F13A1: variants seen among roughly 807,000 people sequenced by gnomAD.
F13A1 encodes coagulation factor XIII A chain.
A neutral mutation model predicts 80.1 loss-of-function variants in F13A1; 47 were observed. The observed-to-expected ratio is 0.59, with a 90% CI of 0.46 to 0.75. The LOEUF (loss-of-function observed/expected upper bound fraction) is 0.75, where lower values mean the gene tolerates loss of function less well. Among genes scored for constraint, F13A1 ranks in the 30% least tolerant of loss-of-function variants. F13A1 has a pLI of 0.00. For missense variants in F13A1, 817 were observed against 930.4 expected, an observed-to-expected ratio of 0.88 and a Z score of 1.59; for synonymous variants, 349 against 344.9, an observed-to-expected ratio of 1.01 and a Z score of -0.13.
chr6:6,191,544 G>T lies in F13A1; in HGVS notation c.1305+4253C>A, dbSNP rs1420960981. ...TCAGGGCCCTAGCTTCTCAGTAAAG[G>T]TGGGGTGGAAAGCAGGCTTGGGGGC... On this transcript the variant is annotated intron_variant, in intron 10 of 14. Transcript: ENST00000264870. 3.9e-5 allele frequency among the ~76,000 whole-genome samples: 6 copies of T among 152,128 alleles called. No individual in the cohort carries two copies. In the East Asian group the frequency reaches 1.2e-3, roughly 29 times the overall value.
chr6:6,305,572 T>A (rs1758501681), intron 2 of F13A1, 33 bp from the exon 3 acceptor site: 1 of 1,605,402 alleles, frequency 6.2e-7, no homozygotes, highest in Non-Finnish European at 8.5e-7. Context: ...TTGAAGAAAA[T>A]AATCAACTAA....
chr6:6,153,146 A>G (rs6937073), intron 13 of F13A1, among the ~76,000 whole-genome samples: 32,693 of 152,184 alleles, frequency 0.21, 3,605 homozygotes, highest in Middle Eastern at 0.28. Flanking sequence ...CAATGGCTCA[A>G]AAATGGAATT....
intron 2 of F13A1, among the ~76,000 whole-genome samples, chr6:6,308,812 TGGG>T (rs1280880831): frequency 1.3e-5 from 2 of 151,496 alleles, no homozygotes; most frequent in Non-Finnish European, 2.9e-5. Flanking sequence ...TTAGTAGAGA[TGGG>T]GTTTCACTAT....
chr6:6,176,648 GA>G (rs1760886928), intron 11 of F13A1, among the ~76,000 whole-genome samples: 1 of 152,198 alleles, frequency 6.6e-6, no homozygotes, highest in Non-Finnish European at 1.5e-5. Flanking sequence ...AGGGAGGTAA[GA>G]AAAAGGGAAG....
chr6:6,186,567 G>C (rs1761083472), intron 10 of F13A1, among the ~76,000 whole-genome samples: 1 of 152,202 alleles, frequency 6.6e-6, no homozygotes, highest in African/African-American at 2.4e-5. Context: ...ACTCTGTTCT[G>C]TTCCATTGAT....
chr6:6,252,896 T>G (rs1029855918), intron 4 of F13A1, among the ~76,000 whole-genome samples: 1 of 152,096 alleles, frequency 6.6e-6, no homozygotes, highest in African/African-American at 2.4e-5. Flanking sequence ...TGGTGGCTCA[T>G]GCTTGTAATC....
At position 6,304,047 on chromosome 6, in the gene F13A1, A is replaced by C. The variant is rs570417803; in HGVS notation, c.319+1304T>G. Among the ~76,000 whole-genome samples, 37 of 152,198 alleles carry C rather than the reference A, an allele frequency of 2.4e-4. 1 individual carries two copies. The highest frequency in any genetic ancestry group is 2.9e-4 in the Non-Finnish European group (20 of 68,026). On this transcript the variant is annotated intron_variant, in intron 3 of 14. Coordinates refer to ENST00000264870, the MANE Select transcript of F13A1 (RefSeq NM_000129.4). ...AGTTTCCAGCATTTATAGCAGATGT[A>C]TCTCTTACATTGTTCATTTACTAAA...
intron 6 of F13A1, among the ~76,000 whole-genome samples, chr6:6,235,955 C>T (rs1171678731): frequency 3.1e-4 from 47 of 152,060 alleles, no homozygotes; most frequent in Admixed American, 3.1e-3. Flanking sequence ...TGAAACACTA[C>T]TACTCAGCAA....
At chr6:6,258,430 C>T (rs1171655670) in intron 4 of F13A1, among the ~76,000 whole-genome samples, 6 of 152,156 alleles carry the variant, frequency 3.9e-5, no homozygotes, top group African/African-American at 1.4e-4. Context: ...GAGATACTGA[C>T]TATGAGCACA....
rs767250091 is a variant in F13A1, at chr6:6,162,413, T to C, written c.1908+5045A>G. Among the ~76,000 whole-genome samples the C allele has an allele frequency of 6.6e-6, 1 of 152,328 alleles. No homozygotes were observed. ...TTATCTGTTCATTGGAGACCATTCA[T>C]CTTTCTACAGTCTTAATTCTTGATG... On this transcript the variant is annotated intron_variant, in intron 13 of 14. Coordinates refer to ENST00000264870, the MANE Select transcript of F13A1 (RefSeq NM_000129.4). This position sits in a 1 kb window ranked among gnomAD's most constrained non-coding sequence, Gnocchi z 4.2.
chr6:6,157,419 AG>A (rs1213654605), intron 13 of F13A1, among the ~76,000 whole-genome samples: 4 of 142,850 alleles, frequency 2.8e-5, no homozygotes, highest in African/African-American at 1.1e-4. Context: ...GACAGAATAC[AG>A]GTAAAAATAG....
At chr6:6,261,120 C>T (rs1260636838) in intron 4 of F13A1, among the ~76,000 whole-genome samples, 1 of 152,080 alleles carries the variant, frequency 6.6e-6, no homozygotes, top group African/African-American at 2.4e-5. Context: ...AGGCACACAC[C>T]ACCATGCCCA....
At chr6:6,181,363 G>C (rs3024442) in intron 11 of F13A1, among the ~76,000 whole-genome samples, 2,466 of 152,296 alleles carry the variant, frequency 0.016, 65 homozygotes, top group African/African-American at 0.056. Flanking sequence ...CAGGCATAGA[G>C]CGGACACTAA....
rs558649213 is a variant in F13A1 at position 6,250,137 on chromosome 6, C to T, written c.690+674G>A. Among the ~76,000 whole-genome samples, 11 of 152,258 alleles carry T rather than the reference C, an allele frequency of 7.2e-5. No individual in the cohort carries two copies. The highest frequency in any genetic ancestry group is 2.4e-4 in the African/African-American group (10 of 41,546). On this transcript the variant is annotated intron_variant, in intron 5 of 14. Transcript: ENST00000264870. This position sits in a 1 kb window ranked among gnomAD's most constrained non-coding sequence, Gnocchi z 4.2. ...ACTCCTGAGAAATGACATTCGCCCCCGCTTGTGTCGCTAATTAAAAATCAT... is the reference window on the plus strand; with the variant it reads ...ACTCCTGAGAAATGACATTCGCCCCTGCTTGTGTCGCTAATTAAAAATCAT...
At chr6:6,226,682 C>T (rs1290413587) in intron 6 of F13A1, among the ~76,000 whole-genome samples, 1 of 152,184 alleles carries the variant, frequency 6.6e-6, no homozygotes, top group East Asian at 1.9e-4. Flanking sequence ...CTCCGTCTTT[C>T]TGAGTTTTAC....
chr6:6,221,864 A>T (rs144227306), intron 8 of F13A1, among the ~76,000 whole-genome samples, 169 bp downstream of exon 8: 1 of 152,260 alleles, frequency 6.6e-6, no homozygotes, highest in African/African-American at 2.4e-5. Context: ...CTCTTCAGTA[A>T]CATTTCTAAT....
chr6:6,274,272 C>T (rs1389396187), intron 3 of F13A1, among the ~76,000 whole-genome samples: 1 of 152,170 alleles, frequency 6.6e-6, no homozygotes, highest in Non-Finnish European at 1.5e-5. Flanking sequence ...GTCTTTTCTA[C>T]CTTGATTTTA....
At chr6:6,195,426 G>A (rs1761272497) in intron 10 of F13A1, among the ~76,000 whole-genome samples, 1 of 152,190 alleles carries the variant, frequency 6.6e-6, no homozygotes, top group African/African-American at 2.4e-5. Context: ...TAGTCCCAGA[G>A]GGAAGTGGCA....
chr6:6,230,559 G>C (rs907626837), intron 6 of F13A1, among the ~76,000 whole-genome samples: 2 of 152,094 alleles, frequency 1.3e-5, no homozygotes, highest in Admixed American at 6.5e-5. Flanking sequence ...CTGGGGCCCT[G>C]CCCACCACTG....
Sources: allele counts gnomAD v4.1 joint callset (sites outside exome capture counted in the v4.1 genomes callset), GRCh38; gene constraint gnomAD v4.1.1; non-coding constraint Gnocchi (gnomAD v3.1); transcripts MANE v1.5; gene names NCBI Gene and HGNC (gene_info 2026-07-23, HGNC 2026-07-21).